The following CARS1 variants were observed in gnomAD, a reference collection of about 807,000 sequenced individuals.
The protein encoded by CARS1 is cysteine--tRNA ligase, cytoplasmic.
A neutral mutation model predicts 106.2 loss-of-function variants in CARS1; 48 were observed. The observed-to-expected ratio is 0.45, with a 90% CI of 0.36 to 0.57. The LOEUF is 0.57. Among genes scored for constraint, CARS1 ranks in the 20% least tolerant of loss-of-function variants. CARS1 has a pLI of 0.00. For missense variants in CARS1, 968 were observed against 1,057.2 expected (o/e 0.92, Z 1.17); for synonymous variants, 409 against 403.4 (o/e 1.01, Z -0.17).
intron 2 of CARS1, 67 bp from the exon 3 acceptor site, chr11:3,042,323 C>G: frequency 3.5e-6 from 4 of 1,133,272 alleles, no homozygotes; most frequent in Non-Finnish European, 5.2e-6. Flanking sequence ...CGCCTCTTCA[C>G]CTGGAGACTT....
intron 17 of CARS1, among the ~76,000 whole-genome samples, chr11:3,013,938 G>A (rs1850744949): frequency 6.6e-6 from 1 of 152,200 alleles, no homozygotes; most frequent in African/African-American, 2.4e-5. Context: ...GCGACAGAGT[G>A]AGACTCTGTC....
intron 1 of CARS1, among the ~76,000 whole-genome samples, chr11:3,049,123 T>A (rs897317431): frequency 6.6e-6 from 1 of 151,502 alleles, no homozygotes; most frequent in Non-Finnish European, 1.5e-5. Flanking sequence ...TTATTTATTT[T>A]TATTTTTTAG....
rs1853785280 is a variant in CARS1, at chr11:3,037,352, G to A, written c.801+698C>T. On this transcript the variant is annotated intron_variant, in intron 7 of 22. Transcript: ENST00000380525. The surrounding 1 kb of genome is among the most constrained non-coding windows in gnomAD (Gnocchi z 5.9). Reference sequence around the variant, plus strand: ...CTGCCCCATCACTGAGGTGGGGCCAGGGCAGTGGTGAGGGAAGGCAGGGCT... The same window carrying A: ...CTGCCCCATCACTGAGGTGGGGCCAAGGCAGTGGTGAGGGAAGGCAGGGCT... 6.6e-6 allele frequency among the ~76,000 whole-genome samples: 1 copy of A among 152,270 alleles called. No individual in the cohort carries two copies. The highest frequency in any genetic ancestry group is 2.4e-5 in the African/African-American group (1 of 41,478).
intron 1 of CARS1, chr11:3,055,024 G>C: frequency 1.4e-6 from 1 of 700,786 alleles, no homozygotes; most frequent in Non-Finnish European, 2.6e-6. Context: ...GCACCTTCAA[G>C]ACCGCAAAGG....
At chr11:3,035,976 A>G (rs1053099005) in intron 7 of CARS1, among the ~76,000 whole-genome samples, 23 of 152,228 alleles carry the variant, frequency 1.5e-4, no homozygotes, top group Admixed American at 1.2e-3. Flanking sequence ...TTGAACAAAC[A>G]CTGTGGCTTA....
Position 3,038,267 on chromosome 11 carries a change from T to C in CARS1, c.652-68A>G, listed in dbSNP as rs1018718412. 6.9e-7 allele frequency: 1 copy of C among 1,452,142 alleles called. No homozygotes were observed. The highest frequency in any genetic ancestry group is 1.4e-5 in the African/African-American group (1 of 71,324). 90.0% of individuals were successfully genotyped at this position (1,452,142 alleles called of 1,614,324 possible). A position where few individuals can be genotyped will look rare whatever the true frequency, so the allele number is the denominator to read the frequency against. On this transcript the variant is annotated intron_variant, in intron 6 of 22. Coordinates refer to ENST00000380525, the MANE Select transcript of CARS1 (RefSeq NM_001014437.3). The surrounding 1 kb of genome is among the most constrained non-coding windows in gnomAD (Gnocchi z 4.0). ...GCAAAACCTAAATTCATAAAGGTGA[T>C]TCCAGGTAGAAAACAGAACGGTTTT...
chr11:3,031,354 G>A (rs995029174), intron 7 of CARS1: 1 of 152,048 alleles, frequency 6.6e-6, no homozygotes, highest in African/African-American at 2.4e-5. Flanking sequence ...TGAACAAACA[G>A]GGAAATATAC....
chr11:3,011,724 G>A (rs1850480813), intron 18 of CARS1, among the ~76,000 whole-genome samples: 1 of 152,156 alleles, frequency 6.6e-6, no homozygotes, highest in Non-Finnish European at 1.5e-5. Context: ...GCAGAAAAGG[G>A]AACCCTGGAA....
chr11:3,052,595 A>G lies in CARS1; in HGVS notation c.26-4594T>C, dbSNP rs1408900060. On this transcript the variant is annotated intron_variant, in intron 1 of 22. Transcript: ENST00000380525. This position sits in a 1 kb window ranked among gnomAD's most constrained non-coding sequence, Gnocchi z 4.6. ...CTAGAGCAGGCTAGACGGCTCATCA[A>G]AAGGGAACCAAGACCATGCTTGGGA... is the stretch of plus-strand genomic sequence containing the variant. 6.6e-6 allele frequency among the ~76,000 whole-genome samples: 1 copy of G among 152,204 alleles called. No individual in the cohort carries two copies. Among genetic ancestry groups the G allele is most frequent in the Non-Finnish European group, 1.5e-5 (1 of 68,032 alleles).
Position 3,037,226 on chromosome 11 carries a change from T to C in CARS1, c.801+824A>G, listed in dbSNP as rs1435561042. On this transcript the variant is annotated intron_variant, in intron 7 of 22. Transcript: ENST00000380525. The surrounding 1 kb of genome is among the most constrained non-coding windows in gnomAD (Gnocchi z 5.9). ...ACTACATACACGTGGCGTGTTTCCG[T>C]GAAGTTTGGAAACAGGCGCAACGAA... 6.6e-6 allele frequency among the ~76,000 whole-genome samples: 1 copy of C among 152,176 alleles called. No individual in the cohort carries two copies. The highest frequency in any genetic ancestry group is 1.5e-5 in the Non-Finnish European group (1 of 68,038).
Position 3,017,110 on chromosome 11 carries a change from A to G in CARS1, c.1913T>C (p.Leu638Pro). The G allele has an allele frequency of 6.2e-7, 1 of 1,610,382 alleles. No individual in the cohort carries two copies. The highest frequency in any genetic ancestry group is 8.5e-7 in the Non-Finnish European group (1 of 1,176,980). The change falls in exon 16 of 23, where the codon CTG becomes CCG. Residue 638 changes from leucine to proline, a missense_variant. Physicochemically the swap from Leu to Pro is moderately conservative, Grantham distance 98 (BLOSUM62 -3). Coordinates refer to ENST00000380525, the MANE Select transcript of CARS1 (RefSeq NM_001014437.3). This position sits in a 1 kb window ranked among gnomAD's most constrained non-coding sequence, Gnocchi z 4.9. ...ENIALYLTHM[L>P]KIFGAVEEDS... ...CCTGCCTGGGGCCTGGCTTACCTTC[A>G]GCATATGGGTGAGGTACAGGGCGAT... is the stretch of plus-strand genomic sequence containing the variant.
rs991952964 is a variant in CARS1, at chr11:3,022,001, C to G, written c.1154-1669G>C. On this transcript the variant is annotated intron_variant, in intron 10 of 22. Coordinates refer to ENST00000380525, the MANE Select transcript of CARS1 (RefSeq NM_001014437.3). This position sits in a 1 kb window ranked among gnomAD's most constrained non-coding sequence, Gnocchi z 4.9. ...AATTGATAACAGAGAACACAGGACC[C>G]TCCCCACAAACACCCTATCCTTCAG... is the stretch of plus-strand genomic sequence containing the variant. Among the ~76,000 whole-genome samples, 12 of 152,148 alleles carry G rather than the reference C, an allele frequency of 7.9e-5. No homozygotes were observed. The highest frequency in any genetic ancestry group is 1.2e-4 in the Non-Finnish European group (8 of 68,032).
rs549560713 is a variant in CARS1, at chr11:3,045,140, T to C, written c.274+2613A>G. On this transcript the variant is annotated intron_variant, in intron 2 of 22. Coordinates refer to ENST00000380525, the MANE Select transcript of CARS1 (RefSeq NM_001014437.3). This position sits in a 1 kb window ranked among gnomAD's most constrained non-coding sequence, Gnocchi z 5.6. ...CTGCGGGTGAGAAGTGCTCAACAAG[T>C]TCAACGTCCTGATATCCAGTGGACC... 6.6e-6 allele frequency among the ~76,000 whole-genome samples: 1 copy of C among 152,128 alleles called. No homozygotes were observed. Among genetic ancestry groups the C allele is most frequent in the East Asian group, 1.9e-4 (1 of 5,160 alleles).
At chr11:3,024,662 G>T (rs548190869) in intron 10 of CARS1, among the ~76,000 whole-genome samples, 8 of 152,084 alleles carry the variant, frequency 5.3e-5, no homozygotes, top group South Asian at 2.1e-4. Context: ...TGCCCAGGTT[G>T]GTCTGGAACT....
In CARS1 at chr11:3,026,766, T is replaced by C. The variant is rs745411168; in HGVS notation, c.1063A>G (p.Thr355Ala). ...YVSNGSVYFD[T>A]AKFASSEKHS... is the part of the protein sequence containing the mutation. ...TTCTCGCTAGAAGCAAACTTCGCTG[T>C]ATCAAAGTAGACAGACCCATTGGAG... The change falls in exon 10 of 23, where the codon ACA (threonine) becomes GCA (alanine). Residue 355 changes from threonine to alanine, a missense_variant. Coordinates refer to ENST00000380525, the MANE Select transcript of CARS1 (RefSeq NM_001014437.3). 6.2e-7 allele frequency: 1 copy of C among 1,613,788 alleles called. No homozygotes were observed.
Position 3,008,892 on chromosome 11 carries a change from C to G in CARS1, c.2069-1933G>C, listed in dbSNP as rs1003741830. 3 of 152,250 alleles carry G rather than the reference C, an allele frequency of 2.0e-5. No individual in the cohort carries two copies. The highest frequency in any genetic ancestry group is 7.2e-5 in the African/African-American group (3 of 41,422). 9.4% of individuals were successfully genotyped at this position (152,250 alleles called of 1,614,324 possible). On this transcript the variant is annotated intron_variant, in intron 18 of 22. Coordinates refer to ENST00000380525, the MANE Select transcript of CARS1 (RefSeq NM_001014437.3). The surrounding 1 kb of genome is among the most constrained non-coding windows in gnomAD (Gnocchi z 5.1). ...CCTCATTAGAAGGAAGGCAAGCCAGCACCTGTGGTCACTGTCACGGGTGTC... is the reference window on the plus strand; with the variant it reads ...CCTCATTAGAAGGAAGGCAAGCCAGGACCTGTGGTCACTGTCACGGGTGTC...
chr11:3,036,244 A>G (rs1233157844), intron 7 of CARS1, among the ~76,000 whole-genome samples: 1 of 152,210 alleles, frequency 6.6e-6, no homozygotes, highest in Non-Finnish European at 1.5e-5. Context: ...CTTAGACAAG[A>G]TGATAACTCG....
chr11:3,038,271 A>T lies in CARS1; in HGVS notation c.652-72T>A. 1 of 1,437,162 alleles carries T rather than the reference A, an allele frequency of 7.0e-7. No individual in the cohort carries two copies. Among genetic ancestry groups the T allele is most frequent in the Non-Finnish European group, 9.7e-7 (1 of 1,030,848 alleles). The allele number at this position is 1,437,162 out of a possible 1,614,324, so 89.0% of individuals were successfully genotyped here. On this transcript the variant is annotated intron_variant, in intron 6 of 22. Transcript: ENST00000380525. This position sits in a 1 kb window ranked among gnomAD's most constrained non-coding sequence, Gnocchi z 4.0. ...AACCTAAATTCATAAAGGTGATTCC[A>T]GGTAGAAAACAGAACGGTTTTTCCC...
chr11:3,014,829 G>C (rs575033393), intron 17 of CARS1, among the ~76,000 whole-genome samples: 1 of 152,194 alleles, frequency 6.6e-6, no homozygotes, highest in Non-Finnish European at 1.5e-5. Flanking sequence ...TTGGTTCCTG[G>C]GGGAGCATCT....
Sources: allele counts gnomAD v4.1 joint callset (sites outside exome capture counted in the v4.1 genomes callset), GRCh38; gene constraint gnomAD v4.1.1; non-coding constraint Gnocchi (gnomAD v3.1); transcripts MANE v1.5; gene names NCBI Gene and HGNC (gene_info 2026-07-23, HGNC 2026-07-21).